MSRA: variants seen among roughly 807,000 people sequenced by gnomAD.
MSRA encodes methionine sulfoxide reductase A.
MSRA carries 54 observed loss-of-function variants against 31.3 expected under a neutral mutation model. That is an observed-to-expected ratio of 1.73 (90% CI 1.39 to 2.17). The LOEUF (loss-of-function observed/expected upper bound fraction) is 2.17. MSRA is among the 30% of genes most tolerant of loss of function. MSRA has a pLI of 0.00. For synonymous variants in MSRA, 169 were observed against 116.5 expected (o/e 1.45, Z -2.90); for missense variants, 507 against 300.9 (o/e 1.69, Z -5.07).
At chr8:10,199,242 A>G (rs1808270278) in intron 1 of MSRA, among the ~76,000 whole-genome samples, 1 of 152,104 alleles carries the variant, frequency 6.6e-6, no homozygotes, top group African/African-American at 2.4e-5. Flanking sequence ...CACTCCCCAG[A>G]CAGTCTGCAG....
intron 1 of MSRA, among the ~76,000 whole-genome samples, chr8:10,193,842 T>G (rs1196365048): frequency 6.6e-6 from 1 of 152,160 alleles, no homozygotes; most frequent in Non-Finnish European, 1.5e-5. Flanking sequence ...AGTAGCTGAT[T>G]TACATGTGCT....
intron 1 of MSRA, among the ~76,000 whole-genome samples, chr8:10,125,576 C>A (rs1008352676): frequency 6.6e-6 from 1 of 152,152 alleles, no homozygotes; most frequent in Non-Finnish European, 1.5e-5. Flanking sequence ...GGCCAGGCTC[C>A]TGAACCGGGC....
intron 2 of MSRA, among the ~76,000 whole-genome samples, chr8:10,217,832 A>C (rs1255261713): frequency 1.3e-5 from 2 of 152,218 alleles, no homozygotes; most frequent in African/African-American, 4.8e-5. Context: ...ATGTTTTTTA[A>C]AACTGTTTAT....
intron 1 of MSRA, among the ~76,000 whole-genome samples, chr8:10,156,869 T>A (rs907247683): frequency 6.6e-6 from 1 of 150,482 alleles, no homozygotes; most frequent in Admixed American, 6.7e-5. Context: ...TAGTCAAGTC[T>A]ATAATCAAAA....
intron 1 of MSRA, among the ~76,000 whole-genome samples, chr8:10,085,329 T>A (rs1197352452): frequency 6.6e-6 from 1 of 152,182 alleles, no homozygotes; most frequent in Non-Finnish European, 1.5e-5. Context: ...CTGTAAGGCC[T>A]CCCCAGTGCC....
At chr8:10,186,358 C>A (rs997710229) in intron 1 of MSRA, among the ~76,000 whole-genome samples, 3 of 152,078 alleles carry the variant, frequency 2.0e-5, no homozygotes, top group Admixed American at 1.3e-4. Flanking sequence ...GTGAAGGCAG[C>A]CATGGACAGT....
chr8:10,062,209 A>G (rs1419774238), intron 1 of MSRA, among the ~76,000 whole-genome samples: 2 of 152,170 alleles, frequency 1.3e-5, no homozygotes, highest in African/African-American at 4.8e-5. Context: ...TCCTTGGCAG[A>G]TGGCCAGGCT....
At chr8:10,284,052 T>C (rs1383074908) in intron 3 of MSRA, among the ~76,000 whole-genome samples, 1 of 151,892 alleles carries the variant, frequency 6.6e-6, no homozygotes, top group African/African-American at 2.4e-5. Flanking sequence ...GTAGTTCTAC[T>C]TTTAGTTTGT....
intron 5 of MSRA, among the ~76,000 whole-genome samples, chr8:10,335,147 T>C (rs906548809): frequency 3.3e-5 from 5 of 151,614 alleles, no homozygotes; most frequent in African/African-American, 1.2e-4. Context: ...AGGGTCAATG[T>C]CATCAGCTTC....
At chr8:10,165,642 A>G (rs1337765191) in intron 1 of MSRA, among the ~76,000 whole-genome samples, 5 of 152,186 alleles carry the variant, frequency 3.3e-5, no homozygotes, top group Non-Finnish European at 7.3e-5. Context: ...ATATCTCTGT[A>G]GACCGAGTCT....
chr8:10,387,408 G>A lies in MSRA; in HGVS notation c.544-40740G>A, dbSNP rs939639537. On this transcript the variant is annotated intron_variant, in intron 5 of 5. Coordinates refer to ENST00000317173, the MANE Select transcript of MSRA (RefSeq NM_012331.5). ...AGAAAAGGCATACCCATGTATTAAT[G>A]TGCAATTGTGCACGGGAGCCATACA... is the stretch of plus-strand genomic sequence containing the variant. Among the ~76,000 whole-genome samples the A allele has an allele frequency of 2.6e-5, 4 of 152,202 alleles. No individual in the cohort carries two copies. In the East Asian group the frequency reaches 7.7e-4, roughly 29 times the overall value.
intron 1 of MSRA, among the ~76,000 whole-genome samples, chr8:10,133,085 A>G (rs1802017071): frequency 6.6e-6 from 1 of 152,178 alleles, no homozygotes; most frequent in South Asian, 2.1e-4. Flanking sequence ...GGGAGTCCGC[A>G]TTGGACTTGG....
At chr8:10,125,362 G>A (rs1486844466) in intron 1 of MSRA, among the ~76,000 whole-genome samples, 2 of 152,212 alleles carry the variant, frequency 1.3e-5, no homozygotes, top group Non-Finnish European at 2.9e-5. Context: ...GTGAGCCCAG[G>A]TAGTCACAGG....
chr8:10,073,259 C>T (rs984494228), intron 1 of MSRA, among the ~76,000 whole-genome samples: 5 of 152,142 alleles, frequency 3.3e-5, no homozygotes, highest in African/African-American at 1.2e-4. Flanking sequence ...GGCTTTTTTG[C>T]AGATGCTGTT....
chr8:10,078,119 T>G (rs1437453326), intron 1 of MSRA, among the ~76,000 whole-genome samples: 3 of 152,232 alleles, frequency 2.0e-5, no homozygotes, highest in Non-Finnish European at 2.9e-5. Context: ...ATTTAGTCAC[T>G]GTTTTCCGGT....
At chr8:10,381,010 T>A (rs1806036543) in intron 5 of MSRA, among the ~76,000 whole-genome samples, 1 of 151,352 alleles carries the variant, frequency 6.6e-6, no homozygotes, top group Non-Finnish European at 1.5e-5. Flanking sequence ...GATGGATGGG[T>A]TTATGGATAG....
chr8:10,141,965 T>A (rs1802750300), intron 1 of MSRA, among the ~76,000 whole-genome samples: 1 of 152,154 alleles, frequency 6.6e-6, no homozygotes, highest in Non-Finnish European at 1.5e-5. Context: ...ATTTTTTTGT[T>A]TGTTTGTTTG....
intron 2 of MSRA, 98 bp from the exon 3 acceptor site, chr8:10,245,006 T>C (rs1387102106): frequency 1.4e-6 from 1 of 732,466 alleles, no homozygotes; most frequent in Non-Finnish European, 1.9e-6. Flanking sequence ...CAGGAGCAAC[T>C]TTTTTTTTTT....
intron 1 of MSRA, among the ~76,000 whole-genome samples, chr8:10,114,276 C>T (rs899549186): frequency 2.6e-5 from 4 of 152,096 alleles, no homozygotes; most frequent in East Asian, 1.9e-4. Flanking sequence ...TTGGCTATCT[C>T]GAATAATGTT....
Sources: gnomAD v4.1 joint callset for allele counts (sites outside exome capture counted in the v4.1 genomes callset) on GRCh38, gnomAD v4.1.1 for gene constraint, MANE v1.5 for transcripts, NCBI Gene and HGNC (gene_info 2026-07-23, HGNC 2026-07-21) for gene names.